DUSP18: variants seen among roughly 807,000 people sequenced by gnomAD.
DUSP18 encodes the protein dual specificity protein phosphatase 18.
DUSP18 carries 4 observed loss-of-function variants against 6.3 expected under a neutral mutation model. That is an observed-to-expected ratio of 0.63 (90% CI 0.31 to 1.45). The LOEUF (loss-of-function observed/expected upper bound fraction) is 1.45, where lower values mean the gene tolerates loss of function less well. Among genes scored for constraint, DUSP18 ranks in the 40% most tolerant of loss-of-function variants. The probability of loss-of-function intolerance (pLI) is 0.07; values close to 1 mark genes in which losing one functional copy is unlikely to be tolerated. For synonymous variants in DUSP18, 96 were observed against 95.1 expected (o/e 1.01, Z -0.05); for missense variants, 235 against 247.7 (o/e 0.95, Z 0.34).
At chr22:30,664,275 G>T (rs571915942) in intron 1 of DUSP18, among the ~76,000 whole-genome samples, 195 bp from the exon 2 acceptor site, 1 of 152,282 alleles carries the variant, frequency 6.6e-6, no homozygotes, top group South Asian at 2.1e-4. Flanking sequence ...GACTCTCGGG[G>T]TGAAGAGCAT....
chr22:30,656,517 G>A (rs1025945674), downstream of DUSP18, among the ~76,000 whole-genome samples: 2 of 152,184 alleles, frequency 1.3e-5, no homozygotes, highest in African/African-American at 4.8e-5. Flanking sequence ...CACTTTTGGA[G>A]TGAGAAAGTT....
chr22:30,655,902 G>C (rs1474442698), intron 2 of DUSP18, among the ~76,000 whole-genome samples: 1 of 151,672 alleles, frequency 6.6e-6, no homozygotes, highest in Non-Finnish European at 1.5e-5. Context: ...ATTGGGTCAC[G>C]ATCCAGAGGT....
intron 2 of DUSP18, among the ~76,000 whole-genome samples, chr22:30,652,758 A>G (rs1323046540): frequency 6.6e-6 from 1 of 152,268 alleles, no homozygotes; most frequent in Admixed American, 6.5e-5. Flanking sequence ...GGTGTCCACC[A>G]AAGTGAGTGA....
At chr22:30,659,200 A>G (rs942937918), downstream of DUSP18, among the ~76,000 whole-genome samples, 1 of 151,794 alleles carries the variant, frequency 6.6e-6, no homozygotes, top group Non-Finnish European at 1.5e-5. Context: ...ACAGATGAGG[A>G]TCGAACCGAA....
chr22:30,664,105 G>A, intron 1 of DUSP18, 25 bp from the exon 2 acceptor site: 1 of 1,159,470 alleles, frequency 8.6e-7, no homozygotes, highest in South Asian at 1.5e-5. Flanking sequence ...AGGATGTTTA[G>A]AGGGCAGGTG....
chr22:30,662,051 T>A lies in DUSP18; in HGVS notation c.*1386A>T, dbSNP rs2088489568. 6.7e-6 allele frequency: 1 copy of A among 149,948 alleles called. No homozygotes were observed. The highest frequency in any genetic ancestry group is 2.5e-5 in the African/African-American group (1 of 40,750). The allele number at this position is 149,948 out of a possible 1,614,324, so 9.3% of individuals were successfully genotyped here. A position where few individuals can be genotyped will look rare whatever the true frequency, so the allele number is the denominator to read the frequency against. On this transcript the variant is annotated 3_prime_UTR_variant, in exon 2 of 2. Transcript: ENST00000334679. The stretch of plus-strand genomic sequence containing the variant: ...AACCATTTTTTTTTTTTTTTTTTTT[T>A]ACACACAGGGTAACTTTTTGGAAGA...
rs33914926 is a variant in DUSP18 at position 30,662,030 on chromosome 22, ATTTTTTTTTTT to A, written c.*1396_*1406del. ...GGTAGGGTCTGAAAGGACTTAAACCATTTTTTTTTTTTTTTTTTTTTACACACAGGGTAACT... is the reference window on the plus strand; with the variant it reads ...GGTAGGGTCTGAAAGGACTTAAACCATTTTTTTTTTACACACAGGGTAACT... On this transcript the variant is annotated 3_prime_UTR_variant, in exon 2 of 2. Coordinates refer to ENST00000334679, the MANE Select transcript of DUSP18 (RefSeq NM_152511.5). The A allele has an allele frequency of 1.5e-5, 2 of 132,196 alleles. No individual in the cohort carries two copies. The highest frequency in any genetic ancestry group is 3.1e-5 in the Non-Finnish European group (2 of 63,688). 8.2% of individuals were successfully genotyped at this position (132,196 alleles called of 1,614,324 possible).
intron 2 of DUSP18, among the ~76,000 whole-genome samples, chr22:30,652,970 G>C (rs916896300): frequency 1.3e-5 from 2 of 152,194 alleles, no homozygotes; most frequent in Non-Finnish European, 1.5e-5. Context: ...AATATCTATT[G>C]AATGAGTGAT....
At position 30,663,518 on chromosome 22, in the gene DUSP18, G is replaced by A. The variant is rs139011446; in HGVS notation, c.486C>T (p.Asn162=). 103 of 1,614,088 alleles carry A rather than the reference G, an allele frequency of 6.4e-5. No homozygotes were observed. Among genetic ancestry groups the A allele is most frequent in the Non-Finnish European group, 7.5e-5 (89 of 1,180,042 alleles). ...IHYEFQLFGK[N]TVHMVSSPVG... The stretch of plus-strand genomic sequence containing the variant: ...CTGGGGAACTGACCATGTGCACAGT[G>A]TTCTTGCCAAACAATTGGAACTCAT... Residue 162 remains asparagine (N), a synonymous_variant, in exon 2 of 2, where the codon AAC becomes AAT. Transcript: ENST00000334679.
Position 30,662,472 on chromosome 22 carries a change from T to C in DUSP18, c.*965A>G, listed in dbSNP as rs1484847201. 1 of 152,174 alleles carries C rather than the reference T, an allele frequency of 6.6e-6. No homozygotes were observed. Among genetic ancestry groups the C allele is most frequent in the African/African-American group, 2.4e-5 (1 of 41,436 alleles). 9.4% of individuals were successfully genotyped at this position (152,174 alleles called of 1,614,324 possible). Reference sequence around the variant, plus strand: ...ACTAACACCATCTTTTGCCAAAGTTTGGTGAGGGATGGCCAAGAGCTCTTT... The same window carrying C: ...ACTAACACCATCTTTTGCCAAAGTTCGGTGAGGGATGGCCAAGAGCTCTTT... On this transcript the variant is annotated 3_prime_UTR_variant, in exon 2 of 2. Coordinates refer to ENST00000334679, the MANE Select transcript of DUSP18 (RefSeq NM_152511.5).
chr22:30,658,453 G>A (rs1316686256), downstream of DUSP18, among the ~76,000 whole-genome samples: 2 of 151,722 alleles, frequency 1.3e-5, no homozygotes. Context: ...CTCTGACAAA[G>A]CGGAATCCTT....
downstream of DUSP18, among the ~76,000 whole-genome samples, chr22:30,658,524 T>G (rs550995420): frequency 1.0e-3 from 152 of 152,170 alleles, no homozygotes; most frequent in African/African-American, 3.5e-3. Flanking sequence ...GTTGCCTTTT[T>G]TCTCTCTTCA....
intron 2 of DUSP18, chr22:30,654,382 T>C: frequency 2.2e-6 from 1 of 461,924 alleles, no homozygotes; most frequent in Admixed American, 2.4e-5. Flanking sequence ...CCAGCCAACT[T>C]TGTGATCCAG....
intron 1 of DUSP18, among the ~76,000 whole-genome samples, chr22:30,666,261 CA>C (rs1399192847): frequency 6.6e-6 from 1 of 152,172 alleles, no homozygotes; most frequent in East Asian, 1.9e-4. Context: ...TAAAAGTCTG[CA>C]GAAGTGACAA....
intron 2 of DUSP18, among the ~76,000 whole-genome samples, chr22:30,652,779 C>T (rs2088248377): frequency 6.6e-6 from 1 of 152,216 alleles, no homozygotes; most frequent in Non-Finnish European, 1.5e-5. Context: ...TTCAAGAGAA[C>T]AAGAAACCAC....
intron 1 of DUSP18, chr22:30,665,621 C>T: frequency 2.2e-6 from 1 of 458,370 alleles, no homozygotes. Flanking sequence ...ACCAACTCTG[C>T]TCCAGGCTTT....
At chr22:30,658,476 A>C (rs1021895953), downstream of DUSP18, among the ~76,000 whole-genome samples, 4 of 152,020 alleles carry the variant, frequency 2.6e-5, no homozygotes, top group African/African-American at 2.4e-5. Context: ...ATCTGTCCAA[A>C]GCATCTGCAA....
chr22:30,653,905 A>G, intron 2 of DUSP18: 1 of 167,018 alleles, frequency 6.0e-6, no homozygotes, highest in African/African-American at 2.4e-5. Flanking sequence ...GGTCTTGAGG[A>G]CACCCCAGTA....
At chr22:30,658,147 G>A (rs566780462), downstream of DUSP18, among the ~76,000 whole-genome samples, 2 of 151,474 alleles carry the variant, frequency 1.3e-5, no homozygotes, top group East Asian at 3.9e-4. Context: ...GAATCTCTCG[G>A]GGTTCTAGTT....
Sources: allele counts gnomAD v4.1 joint callset (sites outside exome capture counted in the v4.1 genomes callset), GRCh38; gene constraint gnomAD v4.1.1; transcripts MANE v1.5; gene names NCBI Gene and HGNC (gene_info 2026-07-23, HGNC 2026-07-21).